Variants in TMEM220 observed in about 807,000 individuals in gnomAD.
The protein encoded by TMEM220 is transmembrane protein 220.
In TMEM220, 21 loss-of-function variants were observed where a neutral mutation model predicts 21.7. The observed-to-expected ratio is 0.97, with a 90% confidence interval of 0.69 to 1.39. The LOEUF is 1.39. TMEM220 is among the 40% of genes most tolerant of loss of function. The pLI is 0.00. For synonymous variants in TMEM220, 80 were observed against 73.6 expected, an observed-to-expected ratio of 1.09 and a Z score of -0.45; for missense variants, 191 against 201.9, an observed-to-expected ratio of 0.95 and a Z score of 0.33.
intron 5 of TMEM220, among the ~76,000 whole-genome samples, chr17:10,717,318 T>C (rs2074933685): frequency 6.6e-6 from 1 of 152,244 alleles, no homozygotes; most frequent in Non-Finnish European, 1.5e-5. Context: ...GGCTTCAGTG[T>C]AGATATCTTC....
intron 5 of TMEM220, 132 bp from the exon 6 acceptor site, chr17:10,715,720 C>T (rs1327563484): frequency 1.2e-5 from 7 of 587,798 alleles, no homozygotes; most frequent in Non-Finnish European, 1.9e-5. Flanking sequence ...TGAAATATAA[C>T]ATTGATTTAT....
chr17:10,717,723 T>C lies in TMEM220; in HGVS notation c.348-2135A>G, dbSNP rs117522152. 6.4e-3 allele frequency among the ~76,000 whole-genome samples: 972 copies of C among 152,318 alleles called. 8 individuals are homozygous for C. The highest frequency in any genetic ancestry group is 7.6e-3 in the Non-Finnish European group (517 of 68,042). ...GTTCTCTGGAAGTATTTATTGAAAG[T>C]TGGTATTATTTTTTTCCTTAAATAT... On this transcript the variant is annotated intron_variant, in intron 5 of 5. Transcript: ENST00000341871.
chr17:10,724,840 C>T (rs977194822), intron 4 of TMEM220, among the ~76,000 whole-genome samples, 171 bp downstream of exon 4: 2 of 152,154 alleles, frequency 1.3e-5, no homozygotes, highest in Non-Finnish European at 2.9e-5. Flanking sequence ...AATCCTGGCT[C>T]CATTATTTCC....
Position 10,725,107 on chromosome 17 carries a change from G to T in TMEM220, c.191C>A (p.Ala64Glu). 2 of 1,614,048 alleles carry T rather than the reference G, an allele frequency of 1.2e-6. No individual in the cohort carries two copies. The highest frequency in any genetic ancestry group is 1.7e-6 in the Non-Finnish European group (2 of 1,179,992). The change falls in exon 4 of 6, where the codon GCA (alanine) becomes GAA (glutamate). Residue 64 changes from alanine to glutamate, a missense_variant. Ala to Glu is a moderately radical substitution (Grantham distance 107, BLOSUM62 -1). Transcript: ENST00000341871. ...TGNVIWKSIS[A>E]IHILFCTVWA... Reference sequence around the variant, plus strand: ...CACCGTACAAAAGAGTATGTGTATTGCAGAGATACTTTTCCAAATAACATT... The same window carrying T: ...CACCGTACAAAAGAGTATGTGTATTTCAGAGATACTTTTCCAAATAACATT...
downstream of TMEM220, chr17:10,711,368 T>C: frequency 1.9e-6 from 1 of 513,500 alleles, no homozygotes; most frequent in South Asian, 2.3e-5. Context: ...CAGGGGTGTA[T>C]AGTCCTCATA....
downstream of TMEM220, chr17:10,713,284 A>G (rs2074868464): frequency 6.6e-6 from 1 of 151,470 alleles, no homozygotes; most frequent in Non-Finnish European, 1.5e-5. Flanking sequence ...AAAAAAAAAA[A>G]AAGATTTTAA....
chr17:10,729,453 C>T (rs1035509405), intron 1 of TMEM220, among the ~76,000 whole-genome samples: 2 of 152,166 alleles, frequency 1.3e-5, no homozygotes, highest in African/African-American at 4.8e-5. Context: ...GTCTCCTAGG[C>T]CCTGAGATAT....
intron 5 of TMEM220, among the ~76,000 whole-genome samples, chr17:10,720,785 T>C (rs1234730328): frequency 1.3e-5 from 2 of 152,198 alleles, no homozygotes; most frequent in Admixed American, 1.3e-4. Flanking sequence ...GTAGGTTATA[T>C]CCTAATAACA....
chr17:10,725,040 T>C lies in TMEM220; in HGVS notation c.258A>G (p.Gln86=), dbSNP rs745559376. ...GLASYLLHRT[Q]QNILHEEEGR... ...CTTCTTCCTCATGTAAGATGTTCTG[T>C]TGTGTACGATGCAAGAGGTAGGACG... The change falls in exon 4 of 6, where the codon CAA becomes CAG. Residue 86 remains glutamine, a synonymous_variant. Transcript: ENST00000341871. 5.0e-6 allele frequency: 8 copies of C among 1,614,060 alleles called. No homozygotes were observed. Among genetic ancestry groups the C allele is most frequent in the South Asian group, 2.2e-5 (2 of 91,090 alleles).
Position 10,715,632 on chromosome 17 carries a change from C to T in TMEM220, c.348-44G>A, listed in dbSNP as rs199554374. On this transcript the variant is annotated intron_variant, in intron 5 of 5. Coordinates refer to ENST00000341871, the MANE Select transcript of TMEM220 (RefSeq NM_001004313.3). ...TATTATAAATAAAAATCATGGATTG[C>T]TTTGGAAACAAGTATAAAGACTGAA... 18 of 1,472,016 alleles carry T rather than the reference C, an allele frequency of 1.2e-5. No homozygotes were observed. In the African/African-American group the frequency reaches 2.3e-4, roughly 19 times the overall value. The allele number at this position is 1,472,016 out of a possible 1,614,324, so 91.2% of individuals were successfully genotyped here.
rs2082213859 is a variant in TMEM220 at position 10,729,796 on chromosome 17, A to G, written c.56T>C (p.Leu19Pro). ...CNGLMAAFFA[L>P]AALVQVNDPD... ...CCGCCTGACCTGCACCAAGGCCGCC[A>G]GCGCGAAGAAGGCGGCCATGAGTCC... is the stretch of plus-strand genomic sequence containing the variant. The change falls in exon 1 of 6, where the codon CTG (leucine) becomes CCG (proline). Residue 19 changes from leucine (L) to proline (P), a missense_variant. Transcript: ENST00000341871. 2.1e-6 allele frequency: 3 copies of G among 1,410,954 alleles called. No individual in the cohort carries two copies. The highest frequency in any genetic ancestry group is 2.9e-5 in the East Asian group (1 of 33,912). 87.4% of individuals were successfully genotyped at this position (1,410,954 alleles called of 1,614,324 possible).
intron 4 of TMEM220, 104 bp downstream of exon 4, chr17:10,724,907 G>A: frequency 2.0e-6 from 3 of 1,486,764 alleles, no homozygotes; most frequent in Non-Finnish European, 2.8e-6. Flanking sequence ...AGGGTACACT[G>A]GGGGAATTCA....
At chr17:10,719,466 C>G (rs2074962677) in intron 5 of TMEM220, among the ~76,000 whole-genome samples, 1 of 152,096 alleles carries the variant, frequency 6.6e-6, no homozygotes, top group Non-Finnish European at 1.5e-5. Context: ...CAGGATTGCA[C>G]CATTTGGCCA....
intron 3 of TMEM220, among the ~76,000 whole-genome samples, chr17:10,725,765 TTTGAG>T (rs1476567529): frequency 5.3e-5 from 8 of 152,262 alleles, no homozygotes; most frequent in African/African-American, 1.9e-4. Flanking sequence ...TCATAGCACA[TTTGAG>T]TTATTTTCTA....
downstream of TMEM220, among the ~76,000 whole-genome samples, chr17:10,712,041 C>T (rs76656165): frequency 3.6e-3 from 544 of 152,308 alleles, 10 homozygotes; most frequent in African/African-American, 0.012. Context: ...GCGACTTAAA[C>T]CAACATATAC....
chr17:10,726,858 A>C (rs1019497847), intron 2 of TMEM220, among the ~76,000 whole-genome samples: 1 of 152,256 alleles, frequency 6.6e-6, no homozygotes, highest in African/African-American at 2.4e-5. Flanking sequence ...AGCCTTGTTC[A>C]TAACAAGCAG....
chr17:10,726,106 A>G, intron 3 of TMEM220, 98 bp downstream of exon 3: 2 of 919,438 alleles, frequency 2.2e-6, no homozygotes, highest in Non-Finnish European at 3.6e-6. Context: ...AAAGGCCTAG[A>G]GAGCCCCGTT....
chr17:10,719,672 A>C (rs1020308592), intron 5 of TMEM220, among the ~76,000 whole-genome samples: 2 of 152,234 alleles, frequency 1.3e-5, no homozygotes, highest in Non-Finnish European at 2.9e-5. Flanking sequence ...GAGAGAGAGA[A>C]GGTTTTCCTA....
chr17:10,723,172 G>C (rs1285042480), intron 5 of TMEM220, 98 bp downstream of exon 5: 1 of 1,012,380 alleles, frequency 9.9e-7, no homozygotes, highest in Non-Finnish European at 1.6e-6. Context: ...GTAGAGACAG[G>C]GTTTGACCAT....
Sources: gnomAD v4.1 joint callset for allele counts (sites outside exome capture counted in the v4.1 genomes callset) on GRCh38, gnomAD v4.1.1 for gene constraint, MANE v1.5 for transcripts, NCBI Gene and HGNC (gene_info 2026-07-23, HGNC 2026-07-21) for gene names.